AHI1: variants seen among roughly 807,000 people sequenced by gnomAD.
AHI1 encodes jouberin.
Under a neutral mutation model 149.3 loss-of-function variants are expected in AHI1, and 123 were observed. That is an observed-to-expected ratio of 0.82 (90% CI 0.71 to 0.96). AHI1 has a LOEUF of 0.96. Ranked by LOEUF, AHI1 falls within the 40% of genes least tolerant of loss-of-function variation. The probability of loss-of-function intolerance (pLI) is 0.00; values close to 1 mark genes in which losing one functional copy is unlikely to be tolerated. For missense variants in AHI1, 1,439 were observed against 1,422.7 expected (o/e 1.01, Z -0.18); for synonymous variants, 475 against 459.8 (o/e 1.03, Z -0.42).
intron 3 of AHI1, chr6:135,492,718 G>A (rs2128136795): frequency 1.0e-6 from 1 of 985,346 alleles, no homozygotes; most frequent in Non-Finnish European, 1.2e-6. Flanking sequence ...CACTCACAGT[G>A]AATTTAAATA....
intron 24 of AHI1, among the ~76,000 whole-genome samples, chr6:135,324,585 C>T (rs1787367562): frequency 6.7e-6 from 1 of 149,110 alleles, no homozygotes; most frequent in Non-Finnish European, 1.5e-5. Flanking sequence ...TATAGCATGT[C>T]TCAGTGTGCA....
At chr6:135,385,679 A>G (rs1777478573) in intron 23 of AHI1, among the ~76,000 whole-genome samples, 1 of 152,222 alleles carries the variant, frequency 6.6e-6, no homozygotes, top group Non-Finnish European at 1.5e-5. Flanking sequence ...GCATATTTGT[A>G]TGGGGGAAAA....
rs552790652 is a variant in AHI1 at position 135,407,891 on chromosome 6, C to T, written c.2962-2914G>A. 4.0e-5 allele frequency among the ~76,000 whole-genome samples: 6 copies of T among 151,840 alleles called. No homozygotes were observed. In the South Asian group the frequency reaches 8.3e-4, roughly 21 times the overall value. On this transcript the variant is annotated intron_variant, in intron 21 of 28. Transcript: ENST00000265602. The stretch of plus-strand genomic sequence containing the variant: ...ACTAAAAATACAAAAAAAAATTAAT[C>T]GGGCGTGGTGGCGGGCACCTGTAGT...
At chr6:135,447,601 T>C (rs1300787922) in intron 12 of AHI1, among the ~76,000 whole-genome samples, 1 of 152,202 alleles carries the variant, frequency 6.6e-6, no homozygotes, top group African/African-American at 2.4e-5. Context: ...ATCAGCCCTG[T>C]GGTGACAGTA....
At chr6:135,474,446 A>G (rs1792259511) in intron 5 of AHI1, 1 of 152,016 alleles carries the variant, frequency 6.6e-6, no homozygotes, top group East Asian at 1.9e-4. Flanking sequence ...TGCTAGCTGC[A>G]TATTTTTTAG....
intron 26 of AHI1, 176 bp from the exon 27 acceptor site, chr6:135,300,734 C>CATAGATAT: frequency 8.1e-7 from 1 of 1,230,950 alleles, no homozygotes; most frequent in Non-Finnish European, 1.0e-6. Flanking sequence ...AATATATTTG[C>CATAGATAT]TCCCATGAAA....
At chr6:135,300,748 C>A in intron 26 of AHI1, 190 bp from the exon 27 acceptor site, 1 of 1,198,092 alleles carries the variant, frequency 8.3e-7, no homozygotes, top group Non-Finnish European at 1.0e-6. Context: ...CATGAAAAAC[C>A]AAGGAAGTAG....
At chr6:135,349,972 G>T (rs910572729) in intron 24 of AHI1, among the ~76,000 whole-genome samples, 4 of 152,060 alleles carry the variant, frequency 2.6e-5, no homozygotes, top group Admixed American at 2.0e-4. Context: ...TTCCATCTGA[G>T]AAATATTTAT....
At chr6:135,400,352 A>G (rs1233319992) in intron 22 of AHI1, among the ~76,000 whole-genome samples, 1 of 152,170 alleles carries the variant, frequency 6.6e-6, no homozygotes, top group Non-Finnish European at 1.5e-5. Flanking sequence ...GGATTCGACT[A>G]CAATATACAT....
At chr6:135,301,177 G>A (rs1338647963) in intron 26 of AHI1, 1 of 982,084 alleles carries the variant, frequency 1.0e-6, no homozygotes, top group Non-Finnish European at 1.2e-6. Flanking sequence ...AGTTTGATAT[G>A]ATATATAATC....
chr6:135,386,268 T>C (rs553660722), intron 23 of AHI1, among the ~76,000 whole-genome samples: 7 of 151,982 alleles, frequency 4.6e-5, no homozygotes, highest in Non-Finnish European at 8.8e-5. Flanking sequence ...AAAAAGCACC[T>C]TTTCTTCCAT....
intron 24 of AHI1, among the ~76,000 whole-genome samples, chr6:135,355,513 T>C (rs1792809041): frequency 6.6e-6 from 1 of 152,202 alleles, no homozygotes; most frequent in Non-Finnish European, 1.5e-5. Flanking sequence ...GGACACTGGA[T>C]TGTATTATAG....
chr6:135,459,687 A>G (rs1208236562), intron 8 of AHI1, among the ~76,000 whole-genome samples: 1 of 150,848 alleles, frequency 6.6e-6, no homozygotes, highest in African/African-American at 2.4e-5. Context: ...CAAAATTTGG[A>G]TGAAATAGAC....
intron 23 of AHI1, among the ~76,000 whole-genome samples, chr6:135,383,176 C>A (rs1043634139): frequency 2.2e-4 from 31 of 142,672 alleles, no homozygotes; most frequent in African/African-American, 7.8e-4. Flanking sequence ...TAGTGAAGAA[C>A]TAAAGATGGC....
intron 23 of AHI1, chr6:135,387,654 A>G: frequency 5.8e-6 from 3 of 517,618 alleles, no homozygotes; most frequent in Non-Finnish European, 7.8e-6. Context: ...TCTCTTTGAC[A>G]TGTTCCTTTT....
chr6:135,354,296 T>C (rs1792617173), intron 24 of AHI1, among the ~76,000 whole-genome samples: 1 of 152,114 alleles, frequency 6.6e-6, no homozygotes, highest in Admixed American at 6.5e-5. Context: ...TTGATGTCAT[T>C]TGAATTTTAT....
intron 11 of AHI1, 113 bp downstream of exon 11, chr6:135,453,228 C>T: frequency 3.6e-6 from 3 of 829,854 alleles, no homozygotes; most frequent in Non-Finnish European, 6.0e-6. Flanking sequence ...TTCATCCCTA[C>T]AACATTACCT....
intron 20 of AHI1, 57 bp from the exon 21 acceptor site, chr6:135,411,601 CT>C: frequency 7.2e-7 from 1 of 1,389,498 alleles, no homozygotes; most frequent in South Asian, 1.7e-5. Flanking sequence ...TAATCAAGCC[CT>C]AAAACTGTAG....
At chr6:135,310,290 A>G (rs917722304) in intron 26 of AHI1, among the ~76,000 whole-genome samples, 12 of 152,210 alleles carry the variant, frequency 7.9e-5, no homozygotes, top group African/African-American at 2.7e-4. Context: ...ATACAGCACA[A>G]TTATTAGATA....
Sources: allele counts gnomAD v4.1 joint callset (sites outside exome capture counted in the v4.1 genomes callset), GRCh38; gene constraint gnomAD v4.1.1; transcripts MANE v1.5; gene names NCBI Gene and HGNC (gene_info 2026-07-23, HGNC 2026-07-21).